GALNT14: variants seen among roughly 807,000 people sequenced by gnomAD.
GALNT14 encodes the protein polypeptide N-acetylgalactosaminyltransferase 14.
A neutral mutation model predicts 77.5 loss-of-function variants in GALNT14; 60 were observed. That is an observed-to-expected ratio of 0.77 (90% CI 0.63 to 0.96). The LOEUF (loss-of-function observed/expected upper bound fraction) is 0.96. GALNT14 is among the 40% of genes least tolerant of loss of function. The probability of loss-of-function intolerance (pLI) is 0.00; values close to 1 mark genes in which losing one functional copy is unlikely to be tolerated. For synonymous variants in GALNT14, 280 were observed against 281.7 expected, an observed-to-expected ratio of 0.99 and a Z score of 0.06; for missense variants, 710 against 731.0, an observed-to-expected ratio of 0.97 and a Z score of 0.33.
chr2:31,031,307 A>C (rs1672396678), intron 1 of GALNT14, among the ~76,000 whole-genome samples: 1 of 152,080 alleles, frequency 6.6e-6, no homozygotes, highest in Non-Finnish European at 1.5e-5. Flanking sequence ...ACAAAACTTC[A>C]AGCAGGTGAC....
chr2:31,080,615 G>A (rs1236443494), intron 1 of GALNT14, among the ~76,000 whole-genome samples: 1 of 152,156 alleles, frequency 6.6e-6, no homozygotes, highest in Admixed American at 6.5e-5. Flanking sequence ...AATTCAGGAT[G>A]ACTTATTAAA....
chr2:30,989,185 T>C (rs1669503915), intron 2 of GALNT14, among the ~76,000 whole-genome samples: 1 of 152,130 alleles, frequency 6.6e-6, no homozygotes, highest in East Asian at 1.9e-4. Context: ...CCACAAGTGA[T>C]TCTTGTAAGA....
chr2:31,081,801 C>A (rs928671363), intron 1 of GALNT14, among the ~76,000 whole-genome samples: 27 of 151,554 alleles, frequency 1.8e-4, no homozygotes, highest in Admixed American at 6.6e-5. Flanking sequence ...AAAATTATAT[C>A]AAAAATGAAT....
rs2148603791 is a variant in GALNT14, at chr2:31,094,519, G to A, written c.129+43439C>T. On this transcript the variant is annotated intron_variant, in intron 1 of 14. Transcript: ENST00000349752. Reference sequence around the variant, plus strand: ...CAGAGAACCACAGGAAACAGACATGGGCAATATGTGGCCAGAGGCTCTTGA... The same window carrying A: ...CAGAGAACCACAGGAAACAGACATGAGCAATATGTGGCCAGAGGCTCTTGA... Among the ~76,000 whole-genome samples the A allele has an allele frequency of 1.3e-5, 2 of 152,314 alleles. 1 individual carries two copies. Among genetic ancestry groups the A allele is most frequent in the South Asian group, 4.1e-4 (2 of 4,824 alleles).
At chr2:31,093,841 C>A (rs1676875132) in intron 1 of GALNT14, among the ~76,000 whole-genome samples, 1 of 152,228 alleles carries the variant, frequency 6.6e-6, no homozygotes, top group African/African-American at 2.4e-5. Flanking sequence ...AACAGTGGAG[C>A]CGTCAGGCTC....
intron 1 of GALNT14, among the ~76,000 whole-genome samples, chr2:31,016,953 C>T (rs939211371): frequency 3.7e-4 from 56 of 152,192 alleles, no homozygotes; most frequent in Admixed American, 2.0e-4. Flanking sequence ...CAACATACCA[C>T]GCTCTGTGCT....
At chr2:30,913,250 G>A (rs1664481095) in intron 13 of GALNT14, among the ~76,000 whole-genome samples, 1 of 152,110 alleles carries the variant, frequency 6.6e-6, no homozygotes, top group Admixed American at 6.6e-5. Context: ...CTCCGTCTGG[G>A]GGCAAAGATG....
chr2:31,128,723 A>G (rs1011118333), intron 1 of GALNT14, among the ~76,000 whole-genome samples: 3 of 152,120 alleles, frequency 2.0e-5, no homozygotes, highest in African/African-American at 7.2e-5. Flanking sequence ...GGGAGGGGGA[A>G]GGGCGGAGAG....
intron 1 of GALNT14, among the ~76,000 whole-genome samples, chr2:31,039,537 C>T (rs1189460860): frequency 6.6e-6 from 1 of 152,188 alleles, no homozygotes; most frequent in African/African-American, 2.4e-5. Flanking sequence ...TCATATTTTC[C>T]ATCCAGTGGC....
At chr2:30,928,731 C>T (rs1237257823) in intron 11 of GALNT14, among the ~76,000 whole-genome samples, 1 of 152,120 alleles carries the variant, frequency 6.6e-6, no homozygotes, top group African/African-American at 2.4e-5. Flanking sequence ...ATTCTCCTGC[C>T]TCAGCCTCCC....
the GALNT14 span, among the ~76,000 whole-genome samples, chr2:30,896,032 C>G: frequency 4.6e-5 from 7 of 152,248 alleles, no homozygotes; most frequent in South Asian, 1.2e-3. Flanking sequence ...TTTAATTTCT[C>G]TGAGGCTCAA....
chr2:30,901,518 T>C, the GALNT14 span, among the ~76,000 whole-genome samples: 21 of 151,454 alleles, frequency 1.4e-4, no homozygotes, highest in African/African-American at 4.1e-4. Context: ...CATATATATA[T>C]AAATTCCCTT....
At chr2:31,118,665 G>A (rs17394317) in intron 1 of GALNT14, among the ~76,000 whole-genome samples, 17,807 of 152,092 alleles carry the variant, frequency 0.12, 1,267 homozygotes, top group Middle Eastern at 0.23. Flanking sequence ...TCCTTATACT[G>A]CCACGGCATT....
At chr2:30,957,266 C>T (rs1214882394) in intron 4 of GALNT14, among the ~76,000 whole-genome samples, 2 of 152,160 alleles carry the variant, frequency 1.3e-5, no homozygotes, top group Non-Finnish European at 2.9e-5. Context: ...TATATACCAT[C>T]TCTGTTTTAT....
At chr2:30,982,082 C>T (rs377314673) in intron 2 of GALNT14, among the ~76,000 whole-genome samples, 9 of 152,192 alleles carry the variant, frequency 5.9e-5, no homozygotes, top group Admixed American at 2.0e-4. Flanking sequence ...AGGGGCAAAA[C>T]GCTTGCTCGG....
rs188166964 is a variant in GALNT14, at chr2:31,034,559, T to G, written c.130-41552A>C. On this transcript the variant is annotated intron_variant, in intron 1 of 14. Coordinates refer to ENST00000349752, the MANE Select transcript of GALNT14 (RefSeq NM_024572.4). ...TTTTGATCTTTTTCTAGTTGTTTTG[T>G]TTTTTTTTGATTATCTGTTTGATTT... Among the ~76,000 whole-genome samples the G allele has an allele frequency of 5.0e-3, 621 of 125,394 alleles. 8 individuals carry two copies. The highest frequency in any genetic ancestry group is 0.019 in the African/African-American group (597 of 31,520). The allele number at this position is 125,394 out of a possible 152,430, so 82.3% of individuals were successfully genotyped here.
At chr2:31,077,319 T>TC (rs1675866038) in intron 1 of GALNT14, among the ~76,000 whole-genome samples, 1 of 152,198 alleles carries the variant, frequency 6.6e-6, no homozygotes, top group Non-Finnish European at 1.5e-5. Flanking sequence ...TTACCTACAT[T>TC]CCTCAAGGAA....
chr2:30,966,461 C>T (rs1007687564), intron 2 of GALNT14, among the ~76,000 whole-genome samples, 159 bp from the exon 3 acceptor site: 2 of 152,184 alleles, frequency 1.3e-5, no homozygotes, highest in South Asian at 2.1e-4. Context: ...CCCACGGCTT[C>T]ACCTGGCCCT....
intron 1 of GALNT14, among the ~76,000 whole-genome samples, chr2:31,073,556 C>G (rs1335600546): frequency 2.0e-5 from 3 of 152,012 alleles, no homozygotes. Flanking sequence ...ATGCAGCTTC[C>G]TGGAGGGAAA....
Sources: gnomAD v4.1 joint callset for allele counts (sites outside exome capture counted in the v4.1 genomes callset) on GRCh38, gnomAD v4.1.1 for gene constraint, MANE v1.5 for transcripts, NCBI Gene and HGNC (gene_info 2026-07-23, HGNC 2026-07-21) for gene names.